Variants in LRMDA observed in about 807,000 individuals in gnomAD.
LRMDA encodes leucine-rich melanocyte differentiation-associated protein.
In LRMDA, 18 loss-of-function variants were observed where a neutral mutation model predicts 29.8. That is an observed-to-expected ratio of 0.60 (90% CI 0.42 to 0.90). LRMDA has a LOEUF of 0.90. LRMDA is among the 40% of genes least tolerant of loss of function. The pLI is 0.00. For missense variants in LRMDA, 273 were observed against 273.9 expected (o/e 1.00, Z 0.02); for synonymous variants, 125 against 109.4 (o/e 1.14, Z -0.89).
chr10:76,217,359 A>G (rs1185387332), intron 5 of LRMDA, among the ~76,000 whole-genome samples: 1 of 152,182 alleles, frequency 6.6e-6, no homozygotes, highest in Non-Finnish European at 1.5e-5. Flanking sequence ...AAGCCAAGAC[A>G]TTGTATCTCT....
chr10:75,930,332 T>C (rs1033027903), intron 2 of LRMDA, among the ~76,000 whole-genome samples: 1 of 152,120 alleles, frequency 6.6e-6, no homozygotes, highest in Non-Finnish European at 1.5e-5. Context: ...TACAACACTT[T>C]GGGGAATTTC....
At chr10:76,446,893 T>C (rs1842359161) in intron 6 of LRMDA, among the ~76,000 whole-genome samples, 1 of 152,240 alleles carries the variant, frequency 6.6e-6, no homozygotes, top group Admixed American at 6.5e-5. Flanking sequence ...TCAGCTGAGT[T>C]GGTGTGTGCC....
chr10:76,552,649 C>A (rs1166197867), intron 6 of LRMDA, among the ~76,000 whole-genome samples: 1 of 152,168 alleles, frequency 6.6e-6, no homozygotes, highest in Non-Finnish European at 1.5e-5. Flanking sequence ...AATGGGGAAA[C>A]CTGCCCAGTG....
chr10:75,804,310 C>T (rs1168431157), intron 2 of LRMDA, among the ~76,000 whole-genome samples: 2 of 152,198 alleles, frequency 1.3e-5, no homozygotes, highest in East Asian at 3.8e-4. Context: ...ACCTTGTGGA[C>T]TTGAGCGATG....
intron 2 of LRMDA, among the ~76,000 whole-genome samples, chr10:75,540,803 CTGGCATCCAGTAAATA>C (rs1303013386): frequency 6.6e-6 from 1 of 152,154 alleles, no homozygotes; most frequent in African/African-American, 2.4e-5. Flanking sequence ...AGAAGAGTGC[CTGGCATCCAGTAAATA>C]TGTAATGTGT....
chr10:75,549,774 T>G (rs1411495163), intron 2 of LRMDA, among the ~76,000 whole-genome samples: 3 of 152,220 alleles, frequency 2.0e-5, no homozygotes, highest in Admixed American at 2.0e-4. Context: ...ATAAAAAGTT[T>G]CCTTGTGCCC....
chr10:76,212,951 C>CCA lies in LRMDA; in HGVS notation c.517-111445_517-111444dup, dbSNP rs1851662819. Among the ~76,000 whole-genome samples, 3 of 152,256 alleles carry CCA rather than the reference C, an allele frequency of 2.0e-5. No individual in the cohort carries two copies. The South Asian group carries it at 6.2e-4, about 32-fold the overall frequency. On this transcript the variant is annotated intron_variant, in intron 5 of 6. Coordinates refer to ENST00000611255, the MANE Select transcript of LRMDA (RefSeq NM_001305581.2). ...TGCACCATTGCTGACTGTTCCAAGG[C>CCA]CACACATCTGACTTCCCATTCCTCC...
Position 76,508,382 on chromosome 10 carries a change from C to T in LRMDA, c.602-48827C>T, listed in dbSNP as rs897227334. ...TTGCCAAATGGTGATTTTCTACTCTCATCACTTCTTATACATTTATTTCTC... is the reference window on the plus strand; with the variant it reads ...TTGCCAAATGGTGATTTTCTACTCTTATCACTTCTTATACATTTATTTCTC... On this transcript the variant is annotated intron_variant, in intron 6 of 6. Coordinates refer to ENST00000611255, the MANE Select transcript of LRMDA (RefSeq NM_001305581.2). 6.6e-5 allele frequency among the ~76,000 whole-genome samples: 10 copies of T among 152,266 alleles called. No individual in the cohort carries two copies. The East Asian group carries it at 1.9e-3, about 29-fold the overall frequency.
rs967442200 is a variant in LRMDA at position 75,968,796 on chromosome 10, T to G, written c.132-67212T>G. Reference sequence around the variant, plus strand: ...GGAGGGTGAATTAGAGCATGGAATATGAAAAAAGTGCAGCAAGTGAGTGGA... The same window carrying G: ...GGAGGGTGAATTAGAGCATGGAATAGGAAAAAAGTGCAGCAAGTGAGTGGA... On this transcript the variant is annotated intron_variant, in intron 2 of 6. Transcript: ENST00000611255. Among the ~76,000 whole-genome samples the G allele has an allele frequency of 5.9e-5, 9 of 152,234 alleles. No homozygotes were observed. The South Asian group carries it at 1.2e-3, about 21-fold the overall frequency.
At chr10:76,144,122 G>T (rs1850262189) in intron 5 of LRMDA, among the ~76,000 whole-genome samples, 4 of 152,200 alleles carry the variant, frequency 2.6e-5, no homozygotes, top group Admixed American at 2.6e-4. Flanking sequence ...AAGTTAGGTA[G>T]TGTGATGCCT....
intron 2 of LRMDA, among the ~76,000 whole-genome samples, chr10:75,588,411 T>C (rs918739964): frequency 6.6e-6 from 1 of 152,210 alleles, no homozygotes; most frequent in Admixed American, 6.5e-5. Flanking sequence ...TGCTGGGTTG[T>C]ATATGTTAAG....
At chr10:75,965,454 A>G (rs1206544170) in intron 2 of LRMDA, among the ~76,000 whole-genome samples, 1 of 152,178 alleles carries the variant, frequency 6.6e-6, no homozygotes, top group African/African-American at 2.4e-5. Flanking sequence ...ATGTTTATGG[A>G]GCATGACTAG....
intron 2 of LRMDA, among the ~76,000 whole-genome samples, chr10:75,467,689 A>G (rs964738980): frequency 3.3e-5 from 5 of 152,090 alleles, no homozygotes; most frequent in African/African-American, 1.2e-4. Flanking sequence ...TTGGGCAGGC[A>G]CAGTGGCTCA....
At chr10:75,571,273 A>G (rs1840434249) in intron 2 of LRMDA, among the ~76,000 whole-genome samples, 1 of 152,182 alleles carries the variant, frequency 6.6e-6, no homozygotes, top group South Asian at 2.1e-4. Context: ...AAGGAGTTGG[A>G]TGTATAGAGG....
At chr10:75,515,385 A>G (rs1380249299) in intron 2 of LRMDA, among the ~76,000 whole-genome samples, 1 of 152,142 alleles carries the variant, frequency 6.6e-6, no homozygotes, top group Non-Finnish European at 1.5e-5. Context: ...AAAAAATTTT[A>G]TTTTAGAGAT....
intron 6 of LRMDA, among the ~76,000 whole-genome samples, chr10:76,527,929 AAC>A (rs1564567469): frequency 6.6e-6 from 1 of 152,126 alleles, no homozygotes. Context: ...AAATGCATAA[AAC>A]ACAGTGAGAA....
At chr10:75,750,079 C>A (rs1214969999) in intron 2 of LRMDA, among the ~76,000 whole-genome samples, 3 of 152,244 alleles carry the variant, frequency 2.0e-5, no homozygotes, top group African/African-American at 7.2e-5. Flanking sequence ...CCCCACTTTT[C>A]CCCCTTTTTC....
intron 2 of LRMDA, among the ~76,000 whole-genome samples, chr10:75,736,577 C>G (rs1325659475): frequency 6.6e-6 from 1 of 152,128 alleles, no homozygotes; most frequent in Admixed American, 6.5e-5. Context: ...ATACTAAATG[C>G]TAATTAGGCT....
intron 5 of LRMDA, among the ~76,000 whole-genome samples, chr10:76,090,825 G>A (rs1849218857): frequency 2.0e-5 from 3 of 152,180 alleles, no homozygotes; most frequent in Admixed American, 6.5e-5. Context: ...GTAGAAGAGG[G>A]GTCGTGAGGG....
Sources: gnomAD v4.1 joint callset for allele counts (sites outside exome capture counted in the v4.1 genomes callset) on GRCh38, gnomAD v4.1.1 for gene constraint, MANE v1.5 for transcripts, NCBI Gene and HGNC (gene_info 2026-07-23, HGNC 2026-07-21) for gene names.